The following TRERF1 variants were observed in gnomAD, a reference collection of about 807,000 sequenced individuals.
TRERF1 encodes the protein transcriptional regulating factor 1, also known as transcriptional-regulating factor 1.
In TRERF1, 27 loss-of-function variants were observed where a neutral mutation model predicts 122.9. The observed-to-expected ratio is 0.22, with a 90% CI of 0.16 to 0.30. The LOEUF is 0.30. TRERF1 is among the 10% of genes least tolerant of loss of function. The pLI is 1.00. For synonymous variants in TRERF1, 636 were observed against 641.7 expected (o/e 0.99, Z 0.13); for missense variants, 1,248 against 1,560.3 (o/e 0.80, Z 3.37).
chr6:42,264,938 C>A, intron 6 of TRERF1, 84 bp from the exon 7 acceptor site: 2 of 1,445,372 alleles, frequency 1.4e-6, no homozygotes, highest in Non-Finnish European at 1.9e-6. Context: ...TCATACCCAC[C>A]ACAAACCCAT....
intron 4 of TRERF1, among the ~76,000 whole-genome samples, chr6:42,298,281 G>A (rs1785439041): frequency 1.3e-5 from 2 of 151,774 alleles, no homozygotes; most frequent in South Asian, 4.2e-4. Context: ...TCAGCCTCCA[G>A]AGTAGCTGGG....
In TRERF1 at chr6:42,375,587, T is replaced by A. The variant is rs562735518; in HGVS notation, c.-453-12508A>T. The stretch of plus-strand genomic sequence containing the variant: ...CCAAGCACCATGCCAGGCACTAAAG[T>A]TCCAAAGGCGATTAAGACAAAAGTC... On this transcript the variant is annotated intron_variant, in intron 2 of 17. Transcript: ENST00000372922. Among the ~76,000 whole-genome samples the A allele has an allele frequency of 5.3e-5, 8 of 152,266 alleles. No individual in the cohort carries two copies. In the South Asian group the frequency reaches 1.7e-3, roughly 32 times the overall value.
intron 2 of TRERF1, among the ~76,000 whole-genome samples, chr6:42,387,489 T>C (rs1368726863): frequency 6.6e-6 from 1 of 152,220 alleles, no homozygotes; most frequent in Non-Finnish European, 1.5e-5. Flanking sequence ...TTCCACAACC[T>C]TGTGGTTTAC....
rs568151805 is a variant in TRERF1, at chr6:42,301,991, G to T, written c.-370-1242C>A. Among the ~76,000 whole-genome samples, 5 of 152,308 alleles carry T rather than the reference G, an allele frequency of 3.3e-5. No individual in the cohort carries two copies. In the South Asian group the frequency reaches 8.3e-4, roughly 25 times the overall value. On this transcript the variant is annotated intron_variant, in intron 3 of 17. Transcript: ENST00000372922. ...GTGGCTCCATGCTGTTTGGAGATAG[G>T]TGGTGGCACCCACCTGCTGTGTTCA...
At position 42,269,300 on chromosome 6, in the gene TRERF1, T is replaced by C; in HGVS notation, c.291A>G (p.Leu97=). Residue 97 remains leucine, a synonymous_variant, in exon 5 of 18, where the codon CTA becomes CTG. Coordinates refer to ENST00000372922, the Ensembl canonical transcript of TRERF1. The surrounding 1 kb of genome is among the most constrained non-coding windows in gnomAD (Gnocchi z 4.9). Reference sequence around the variant, plus strand: ...TGTTTGAGTTGGCCAGGTTTCCACGTAGCTGGACATGGTTTCCAGGCCCTG... The same window carrying C: ...TGTTTGAGTTGGCCAGGTTTCCACGCAGCTGGACATGGTTTCCAGGCCCTG... 1.2e-6 allele frequency: 2 copies of C among 1,614,186 alleles called. No homozygotes were observed. The highest frequency in any genetic ancestry group is 1.7e-6 in the Non-Finnish European group (2 of 1,180,020).
At chr6:42,392,929 CAT>C (rs1491046010) in intron 2 of TRERF1, among the ~76,000 whole-genome samples, 2 of 72,722 alleles carry the variant, frequency 2.8e-5, no homozygotes, top group Admixed American at 3.8e-4. Flanking sequence ...CATACACACA[CAT>C]ACACACACAC....
At position 42,259,403 on chromosome 6, in the gene TRERF1, G is replaced by A; in HGVS notation, c.2205C>T (p.Gly735=). ...GCGTCAGGGGCAGCTGCGGGTGGGC[G>A]CCAGGGCCGTGGCCGGAGATGAGGA... Residue 735 remains glycine (G), a synonymous_variant, in exon 9 of 18, where the codon GGC becomes GGT. Coordinates refer to ENST00000372922, the Ensembl canonical transcript of TRERF1. The surrounding 1 kb of genome is among the most constrained non-coding windows in gnomAD (Gnocchi z 4.9). 1.9e-6 allele frequency: 3 copies of A among 1,539,078 alleles called. No individual in the cohort carries two copies. The highest frequency in any genetic ancestry group is 1.2e-5 in the South Asian group (1 of 80,394).
intron 4 of TRERF1, among the ~76,000 whole-genome samples, chr6:42,296,564 T>C (rs2150198078): frequency 6.6e-6 from 1 of 152,248 alleles, no homozygotes; most frequent in South Asian, 2.1e-4. Context: ...CTCAGAGAGA[T>C]TCAGCTGTTA....
At chr6:42,367,040 G>C (rs1772873319) in intron 2 of TRERF1, among the ~76,000 whole-genome samples, 1 of 152,240 alleles carries the variant, frequency 6.6e-6, no homozygotes, top group Non-Finnish European at 1.5e-5. Flanking sequence ...AGGAGCACTG[G>C]AGTCAGGCCT....
intron 4 of TRERF1, among the ~76,000 whole-genome samples, chr6:42,294,339 C>T (rs1027427888): frequency 3.3e-5 from 5 of 151,760 alleles, no homozygotes; most frequent in East Asian, 1.9e-4. Flanking sequence ...CCACCACGCC[C>T]GGCTAATTTT....
At chr6:42,447,996 G>A (rs1235815616) in intron 2 of TRERF1, among the ~76,000 whole-genome samples, 1 of 152,076 alleles carries the variant, frequency 6.6e-6, no homozygotes, top group Non-Finnish European at 1.5e-5. Flanking sequence ...GAGCCACCGC[G>A]CCCAGCCCTA....
At chr6:42,342,835 C>T (rs1004852329) in intron 3 of TRERF1, among the ~76,000 whole-genome samples, 13 of 152,330 alleles carry the variant, frequency 8.5e-5, no homozygotes, top group East Asian at 5.8e-4. Context: ...CCTCAAGTGA[C>T]GAAGCACAGT....
intron 2 of TRERF1, among the ~76,000 whole-genome samples, chr6:42,405,776 T>C (rs994197207): frequency 3.5e-5 from 5 of 143,666 alleles, no homozygotes; most frequent in Admixed American, 2.1e-4. Context: ...TCCTGGGCGA[T>C]AGAGCCAGAC....
chr6:42,236,936 A>G (rs1006738073), intron 15 of TRERF1, among the ~76,000 whole-genome samples: 3 of 152,254 alleles, frequency 2.0e-5, no homozygotes, highest in Non-Finnish European at 4.4e-5. Context: ...TGCAGAAAGC[A>G]CGTGACTCAA....
intron 15 of TRERF1, among the ~76,000 whole-genome samples, chr6:42,239,897 T>C (rs1041369588): frequency 1.6e-4 from 24 of 152,012 alleles, no homozygotes; most frequent in African/African-American, 4.6e-4. Context: ...TCTCTGCACA[T>C]AAGCCTTTTG....
intron 2 of TRERF1, among the ~76,000 whole-genome samples, chr6:42,449,406 G>A (rs1441415742): frequency 6.7e-6 from 1 of 148,596 alleles, no homozygotes. Context: ...TAAAAAGAAC[G>A]AATTATGATT....
chr6:42,425,668 C>T (rs916197596), intron 2 of TRERF1, among the ~76,000 whole-genome samples: 4 of 150,734 alleles, frequency 2.7e-5, no homozygotes, highest in South Asian at 2.1e-4. Flanking sequence ...TTCAGCCTCC[C>T]GAGTAGCTGG....
At chr6:42,368,737 A>C (rs989936083) in intron 2 of TRERF1, among the ~76,000 whole-genome samples, 3 of 152,176 alleles carry the variant, frequency 2.0e-5, no homozygotes, top group African/African-American at 7.2e-5. Flanking sequence ...TCAAAAAAGT[A>C]ATTATTTGAT....
chr6:42,236,215 T>C (rs35978318), exon 16 of TRERF1: 3 of 1,586,676 alleles, frequency 1.9e-6, no homozygotes, highest in African/African-American at 2.7e-5. Flanking sequence ...AGCCCCACAG[T>C]TGGGCATTTC....
Sources: gnomAD v4.1 joint callset for allele counts (sites outside exome capture counted in the v4.1 genomes callset) on GRCh38, gnomAD v4.1.1 for gene constraint, Gnocchi (gnomAD v3.1) non-coding constraint, MANE v1.5 for transcripts, NCBI Gene and HGNC (gene_info 2026-07-23, HGNC 2026-07-21) for gene names.